CFH: variants seen among roughly 807,000 people sequenced by gnomAD.
CFH encodes the protein H factor 1 (complement).
In CFH, 53 loss-of-function variants were observed where a neutral mutation model predicts 147.3. The observed-to-expected ratio is 0.36, with a 90% CI of 0.29 to 0.45. CFH has a LOEUF of 0.45. Among genes scored for constraint, CFH ranks in the 20% least tolerant of loss-of-function variants. The probability of loss-of-function intolerance (pLI) is 1.00; values close to 1 mark genes in which losing one functional copy is unlikely to be tolerated. For synonymous variants in CFH, 536 were observed against 489.4 expected, an observed-to-expected ratio of 1.10 and a Z score of -1.26; for missense variants, 1,380 against 1,498.0, an observed-to-expected ratio of 0.92 and a Z score of 1.30.
At chr1:196,667,804 C>A (rs1396608796) in intron 1 of CFH, among the ~76,000 whole-genome samples, 1 of 152,084 alleles carries the variant, frequency 6.6e-6, no homozygotes, top group Non-Finnish European at 1.5e-5. Context: ...TATCTCATTA[C>A]ATCATGTATT....
chr1:196,677,463 G>A lies in CFH; in HGVS notation c.428-13G>A, dbSNP rs374314001. On this transcript the variant is annotated splice_polypyrimidine_tract_variant and intron_variant, in intron 4 of 21. Transcript: ENST00000367429. ...AAAATTCCATTAGAAAACATTACAT[G>A]TATTTTCTTCAGTTGTGAAGTGTTT... 9 of 1,609,638 alleles carry A rather than the reference G, an allele frequency of 5.6e-6. No individual in the cohort carries two copies. The highest frequency in any genetic ancestry group is 1.7e-4 in the Middle Eastern group (1 of 6,050).
At chr1:196,662,451 C>G (rs546470693) in intron 1 of CFH, among the ~76,000 whole-genome samples, 2 of 152,218 alleles carry the variant, frequency 1.3e-5, no homozygotes, top group East Asian at 3.9e-4. Context: ...TTTATATTTA[C>G]TTGAACATTT....
At position 196,692,560 on chromosome 1, in the gene CFH, CTTCTTTCTTTCTTT is replaced by C. The variant is rs753204906; in HGVS notation, c.1336+2336_1336+2349del. 6.4e-3 allele frequency among the ~76,000 whole-genome samples: 875 copies of C among 136,422 alleles called. 11 individuals carry two copies. The highest frequency in any genetic ancestry group is 0.024 in the African/African-American group (824 of 33,760). 89.5% of individuals were successfully genotyped at this position (136,422 alleles called of 152,430 possible). On this transcript the variant is annotated intron_variant, in intron 9 of 21. Transcript: ENST00000367429. ...TCTTTCTTTTTCTTTTTCTTTCTTT[CTTCTTTCTTTCTTT>C]TTCTTTCTTTCTTTCCTTCTCTTCC...
chr1:196,657,426 A>G (rs1666740885), intron 1 of CFH, among the ~76,000 whole-genome samples: 1 of 152,172 alleles, frequency 6.6e-6, no homozygotes, highest in African/African-American at 2.4e-5. Context: ...TGTTTCAACT[A>G]AACCTGGGTC....
intron 11 of CFH, among the ~76,000 whole-genome samples, chr1:196,722,530 A>G (rs1669025648): frequency 6.6e-6 from 1 of 152,108 alleles, no homozygotes; most frequent in Admixed American, 6.5e-5. Context: ...TTTCCCGTTC[A>G]CATTGACTTT....
At position 196,736,886 on chromosome 1, in the gene CFH, A is replaced by G. The variant is rs1669416687; in HGVS notation, c.2476A>G (p.Thr826Ala). ...QIPNSHNMTT[T>A]LNYRDGEKVS... ...TCCCAATTCTCACAATATGACAACC[A>G]CACTGAATTATCGGGATGGAGAAAA... Residue 826 changes from threonine to alanine, a missense_variant, in exon 16 of 22, where the codon ACA becomes GCA. Transcript: ENST00000367429. The G allele has an allele frequency of 6.2e-7, 1 of 1,608,064 alleles. No homozygotes were observed. The highest frequency in any genetic ancestry group is 1.3e-5 in the African/African-American group (1 of 74,720).
intron 11 of CFH, among the ~76,000 whole-genome samples, chr1:196,719,588 T>C (rs963494140): frequency 1.5e-4 from 23 of 151,912 alleles, no homozygotes; most frequent in Admixed American, 1.5e-3. Flanking sequence ...ATTTTCTTTT[T>C]AGTATGATTC....
In CFH at chr1:196,692,716, C is replaced by CCCTTCCTTTCTTTTTG. The variant is rs1553275205; in HGVS notation, c.1336+2477_1336+2478insCCTTCCTTTCTTTTTG. Among the ~76,000 whole-genome samples, 2 of 115,090 alleles carry CCCTTCCTTTCTTTTTG rather than the reference C, an allele frequency of 1.7e-5. 1 individual carries two copies. The highest frequency in any genetic ancestry group is 7.4e-5 in the African/African-American group (2 of 27,078). 75.5% of individuals were successfully genotyped at this position (115,090 alleles called of 152,430 possible). On this transcript the variant is annotated intron_variant, in intron 9 of 21. Coordinates refer to ENST00000367429, the MANE Select transcript of CFH (RefSeq NM_000186.4). ...TCTTTCCCTTCCTTTCTTTTTCTTT[C>CCCTTCCTTTCTTTTTG]TTTCTTTCTTTCTCTTTCCCTTCCT...
intron 9 of CFH, among the ~76,000 whole-genome samples, chr1:196,707,966 T>A (rs945397099): frequency 6.6e-6 from 1 of 152,210 alleles, no homozygotes; most frequent in Non-Finnish European, 1.5e-5. Flanking sequence ...ATTGCTACCC[T>A]TATAGACATT....
At chr1:196,695,792 A>G (rs544476141) in intron 9 of CFH, among the ~76,000 whole-genome samples, 5 of 152,122 alleles carry the variant, frequency 3.3e-5, no homozygotes, top group African/African-American at 9.6e-5. Context: ...TTCACTCATG[A>G]TTTGGCTTTC....
At chr1:196,715,485 T>A in intron 10 of CFH, 108 bp from the exon 11 acceptor site, 1 of 850,094 alleles carries the variant, frequency 1.2e-6, no homozygotes, top group Non-Finnish European at 2.0e-6. Context: ...ACGGTACCTA[T>A]TTATTAGTAG....
Position 196,652,067 on chromosome 1 carries a change from G to A in CFH, c.-51G>A, listed in dbSNP as rs746585872. 8 of 1,263,738 alleles carry A rather than the reference G, an allele frequency of 6.3e-6. No homozygotes were observed. The highest frequency in any genetic ancestry group is 1.8e-4 in the Middle Eastern group (1 of 5,408). The allele number at this position is 1,263,738 out of a possible 1,614,324, so 78.3% of individuals were successfully genotyped here. ...CACAATTCTTGGAAGAGGAGAACTG[G>A]ACGTTGTGAACAGAGTTAGCTGGTA... is the stretch of plus-strand genomic sequence containing the variant. On this transcript the variant is annotated 5_prime_UTR_variant, in exon 1 of 22. Transcript: ENST00000367429.
chr1:196,663,983 AT>A (rs1344846913), intron 1 of CFH, among the ~76,000 whole-genome samples: 1 of 152,186 alleles, frequency 6.6e-6, no homozygotes, highest in Non-Finnish European at 1.5e-5. Flanking sequence ...AAGATATGTT[AT>A]GGTAATTCTT....
intron 1 of CFH, among the ~76,000 whole-genome samples, chr1:196,658,050 C>G (rs1666763796): frequency 6.6e-6 from 1 of 151,582 alleles, no homozygotes; most frequent in Non-Finnish European, 1.5e-5. Flanking sequence ...GTCAATAATG[C>G]CCCCTTAAAA....
intron 1 of CFH, among the ~76,000 whole-genome samples, chr1:196,668,454 A>T (rs1461652304): frequency 6.6e-6 from 1 of 152,134 alleles, no homozygotes; most frequent in East Asian, 1.9e-4. Flanking sequence ...TGGAAAAAAA[A>T]TGTTTCCTCT....
rs1667097379 is a variant in CFH at position 196,666,634 on chromosome 1, T to TA, written c.59-6339dup. Among the ~76,000 whole-genome samples the TA allele has an allele frequency of 3.9e-5, 5 of 128,196 alleles. No homozygotes were observed. The Admixed American group carries it at 4.0e-4, about 10-fold the overall frequency. 84.1% of individuals were successfully genotyped at this position (128,196 alleles called of 152,430 possible). A position where few individuals can be genotyped will look rare whatever the true frequency, so the allele number is the denominator to read the frequency against. The stretch of plus-strand genomic sequence containing the variant: ...TAACACGGTGAAACACCGTTTCTAC[T>TA]AAAAATACAAGAAAAAAAAACCCAA... On this transcript the variant is annotated intron_variant, in intron 1 of 21. Transcript: ENST00000367429.
At chr1:196,731,165 T>G (rs192155731) in intron 15 of CFH, among the ~76,000 whole-genome samples, 2,210 of 151,966 alleles carry the variant, frequency 0.015, 23 homozygotes, top group Non-Finnish European at 0.021. Context: ...CTTGCTTGCT[T>G]TATTCATGGT....
chr1:196,684,150 G>A (rs950436630), intron 6 of CFH, among the ~76,000 whole-genome samples: 2 of 151,942 alleles, frequency 1.3e-5, no homozygotes, highest in African/African-American at 4.8e-5. Context: ...TGGGCCAAAG[G>A]ATGGCAAACT....
chr1:196,728,420 T>C lies in CFH; in HGVS notation c.2311T>C (p.Phe771Leu). Residue 771 changes from phenylalanine (F) to leucine (L), a missense_variant, in exon 15 of 22, where the codon TTC becomes CTC. Phe to Leu is a conservative substitution (Grantham distance 22). This residue lies in a region of CFH where 830 missense variants were observed against 821.4 expected (regional missense o/e 1.01). Coordinates refer to ENST00000367429, the MANE Select transcript of CFH (RefSeq NM_000186.4). ...GGAACATTTAAAAAACAAGAAGGAATTCGATCATAATTCTAACATAAGGTA... is the reference window on the plus strand; with the variant it reads ...GGAACATTTAAAAAACAAGAAGGAACTCGATCATAATTCTAACATAAGGTA... ...LEEHLKNKKE[F>L]DHNSNIRYRC... is the part of the protein sequence containing the mutation. 6.2e-7 allele frequency: 1 copy of C among 1,609,042 alleles called. No homozygotes were observed. The highest frequency in any genetic ancestry group is 8.5e-7 in the Non-Finnish European group (1 of 1,176,682).
Sources: gnomAD v4.1 joint callset for allele counts (sites outside exome capture counted in the v4.1 genomes callset) on GRCh38, gnomAD v4.1.1 for gene constraint, gnomAD v4.1.1 regional missense constraint, MANE v1.5 for transcripts, NCBI Gene and HGNC (gene_info 2026-07-23, HGNC 2026-07-21) for gene names.